Variants in ADAMTSL1 observed in about 807,000 individuals in gnomAD.
ADAMTSL1 encodes ADAMTS-like protein 1.
Under a neutral mutation model 201.8 loss-of-function variants are expected in ADAMTSL1, and 126 were observed. The observed-to-expected ratio is 0.62, with a 90% CI of 0.54 to 0.72. The LOEUF is 0.72. Ranked by LOEUF, ADAMTSL1 falls within the 30% of genes least tolerant of loss-of-function variation. The pLI is 0.00. For missense variants in ADAMTSL1, 2,679 were observed against 2,277.8 expected (o/e 1.18, Z -3.59); for synonymous variants, 1,121 against 903.4 (o/e 1.24, Z -4.32).
At chr9:18,005,738 A>G (rs1454592323) in intron 1 of ADAMTSL1, among the ~76,000 whole-genome samples, 1 of 152,060 alleles carries the variant, frequency 6.6e-6, no homozygotes, top group Non-Finnish European at 1.5e-5. Flanking sequence ...AATGTGCTAG[A>G]GGCAGAACAG....
intron 5 of ADAMTSL1, among the ~76,000 whole-genome samples, chr9:18,630,362 C>T (rs146350760): frequency 1.2e-4 from 19 of 152,244 alleles, no homozygotes; most frequent in South Asian, 4.2e-4. Flanking sequence ...TTCCCCAGGC[C>T]GGGTAATTTC....
intron 26 of ADAMTSL1, among the ~76,000 whole-genome samples, chr9:18,897,841 G>A (rs1829744617): frequency 6.6e-6 from 1 of 152,122 alleles, no homozygotes; most frequent in South Asian, 2.1e-4. Context: ...CACAGAAGTG[G>A]GCTGAGGCTG....
intron 23 of ADAMTSL1, among the ~76,000 whole-genome samples, chr9:18,883,014 GAT>G (rs1204100799): frequency 6.8e-6 from 1 of 146,936 alleles, no homozygotes; most frequent in African/African-American, 2.5e-5. Context: ...AAAAAAAGAG[GAT>G]ATAGGTCAGG....
intron 2 of ADAMTSL1, among the ~76,000 whole-genome samples, chr9:18,428,879 C>A (rs932680791): frequency 2.6e-5 from 4 of 152,196 alleles, no homozygotes; most frequent in African/African-American, 9.7e-5. Context: ...GCATAACTCT[C>A]AGAGTTCAAA....
chr9:18,393,861 G>T (rs956664225), intron 2 of ADAMTSL1, among the ~76,000 whole-genome samples: 1 of 152,166 alleles, frequency 6.6e-6, no homozygotes, highest in African/African-American at 2.4e-5. Flanking sequence ...CAAAGCCTGG[G>T]TCCTGGATGA....
At chr9:18,050,872 C>G (rs1821900746) in intron 1 of ADAMTSL1, among the ~76,000 whole-genome samples, 1 of 152,150 alleles carries the variant, frequency 6.6e-6, no homozygotes, top group Non-Finnish European at 1.5e-5. Context: ...AAATCCTTTT[C>G]AAACCTTGTG....
At chr9:18,811,405 C>T (rs892411856) in intron 20 of ADAMTSL1, among the ~76,000 whole-genome samples, 7 of 152,006 alleles carry the variant, frequency 4.6e-5, no homozygotes, top group Admixed American at 4.6e-4. Context: ...AGAGTGAGGA[C>T]TTGTACCACC....
intron 1 of ADAMTSL1, among the ~76,000 whole-genome samples, chr9:18,113,570 C>CA (rs1242758435): frequency 2.6e-5 from 4 of 152,142 alleles, no homozygotes; most frequent in Non-Finnish European, 2.9e-5. Context: ...GTACCAATAA[C>CA]AAAGCATTCA....
intron 4 of ADAMTSL1, among the ~76,000 whole-genome samples, chr9:18,593,905 A>G (rs1824086863): frequency 6.6e-6 from 1 of 152,220 alleles, no homozygotes; most frequent in South Asian, 2.1e-4. Flanking sequence ...GAAATGTTCT[A>G]TAAATATCTA....
At chr9:17,982,380 G>A (rs934153911) in intron 1 of ADAMTSL1, among the ~76,000 whole-genome samples, 4 of 152,088 alleles carry the variant, frequency 2.6e-5, no homozygotes, top group East Asian at 1.9e-4. Context: ...TTTGGGAGGC[G>A]GAGGTGGGTG....
intron 1 of ADAMTSL1, among the ~76,000 whole-genome samples, chr9:17,953,291 C>T (rs191319362): frequency 6.6e-6 from 1 of 152,282 alleles, no homozygotes; most frequent in Non-Finnish European, 1.5e-5. Flanking sequence ...ACTACCCCAC[C>T]AGAAATGCTA....
At chr9:18,905,627 T>A (rs551871481) in intron 26 of ADAMTSL1, 155 bp from the exon 27 acceptor site, 1 of 599,946 alleles carries the variant, frequency 1.7e-6, no homozygotes, top group African/African-American at 1.8e-5. Context: ...TATCAGTGAG[T>A]GTCTTTTAGT....
chr9:18,734,185 C>T (rs1355317136), intron 15 of ADAMTSL1, among the ~76,000 whole-genome samples: 1 of 152,136 alleles, frequency 6.6e-6, no homozygotes, highest in Non-Finnish European at 1.5e-5. Context: ...AGCACAGTGC[C>T]TCGCTCATAC....
chr9:18,554,075 A>C (rs1315803090), intron 3 of ADAMTSL1, among the ~76,000 whole-genome samples: 1 of 151,530 alleles, frequency 6.6e-6, no homozygotes, highest in Non-Finnish European at 1.5e-5. Context: ...CTCTCATTTA[A>C]CAATATCTCT....
chr9:18,460,575 G>C (rs1358935271), intron 2 of ADAMTSL1, among the ~76,000 whole-genome samples: 1 of 152,170 alleles, frequency 6.6e-6, no homozygotes, highest in Admixed American at 6.5e-5. Context: ...GGGGGGAAAT[G>C]AAATCTGAAG....
rs533341326 is a variant in ADAMTSL1 at position 18,021,175 on chromosome 9, C to T, written c.87+114253C>T. ...TTTGAGAAGCACTTGTGAGACTGGG[C>T]TCTAGGTTTGATTAACTTGGTCACA... On this transcript the variant is annotated intron_variant, in intron 1 of 29. Transcript: ENST00000680146. Among the ~76,000 whole-genome samples, 7 of 152,210 alleles carry T rather than the reference C, an allele frequency of 4.6e-5. No individual in the cohort carries two copies. In the South Asian group the frequency reaches 1.5e-3, roughly 32 times the overall value.
chr9:18,254,823 G>A (rs931326942), intron 2 of ADAMTSL1, among the ~76,000 whole-genome samples: 1 of 152,010 alleles, frequency 6.6e-6, no homozygotes, highest in African/African-American at 2.4e-5. Flanking sequence ...AATTTTGTCG[G>A]CTTTGCTAAT....
chr9:18,203,613 G>A (rs374726146), intron 2 of ADAMTSL1, among the ~76,000 whole-genome samples: 1 of 151,916 alleles, frequency 6.6e-6, no homozygotes. Flanking sequence ...TAGTTTATGT[G>A]CATGCATATG....
At chr9:18,002,658 TA>T (rs1205171019) in intron 1 of ADAMTSL1, among the ~76,000 whole-genome samples, 70 of 152,144 alleles carry the variant, frequency 4.6e-4, no homozygotes, top group Admixed American at 4.5e-3. Flanking sequence ...GTCAATCTTA[TA>T]GGGTATTATG....
Sources: allele counts gnomAD v4.1 joint callset (sites outside exome capture counted in the v4.1 genomes callset), GRCh38; gene constraint gnomAD v4.1.1; transcripts MANE v1.5; gene names NCBI Gene and HGNC (gene_info 2026-07-23, HGNC 2026-07-21).